PLEKHA7: variants seen among roughly 807,000 people sequenced by gnomAD.
PLEKHA7 encodes pleckstrin homology domain-containing family A member 7.
PLEKHA7 carries 104 observed loss-of-function variants against 170.0 expected under a neutral mutation model. That is an observed-to-expected ratio of 0.61 (90% CI 0.52 to 0.72). The LOEUF (loss-of-function observed/expected upper bound fraction) is 0.72. Ranked by LOEUF, PLEKHA7 falls within the 30% of genes least tolerant of loss-of-function variation. PLEKHA7 has a pLI of 0.00. For missense variants in PLEKHA7, 1,615 were observed against 1,671.7 expected (o/e 0.97, Z 0.59); for synonymous variants, 648 against 660.8 (o/e 0.98, Z 0.30).
chr11:17,002,752 G>A (rs1275651878), intron 3 of PLEKHA7, among the ~76,000 whole-genome samples: 1 of 152,148 alleles, frequency 6.6e-6, no homozygotes, highest in East Asian at 1.9e-4. Context: ...CCAGGTGGCT[G>A]CACAGATTAA....
At chr11:16,897,599 G>A (rs1216161914) in intron 3 of PLEKHA7, among the ~76,000 whole-genome samples, 1 of 152,194 alleles carries the variant, frequency 6.6e-6, no homozygotes, top group African/African-American at 2.4e-5. Context: ...CAGAGAAGGT[G>A]TATTAGGCAG....
intron 3 of PLEKHA7, among the ~76,000 whole-genome samples, chr11:16,969,832 A>C (rs896469582): frequency 2.0e-5 from 3 of 152,360 alleles, no homozygotes; most frequent in Middle Eastern, 6.8e-3. Flanking sequence ...GTTCCCAGAT[A>C]CTGGTGCCAA....
chr11:16,795,369 C>A (rs991862664), intron 17 of PLEKHA7: 2 of 254,110 alleles, frequency 7.9e-6, no homozygotes, highest in Non-Finnish European at 7.7e-6. Flanking sequence ...TTGCTGGGGG[C>A]GGGGGAGAGG....
intron 17 of PLEKHA7, among the ~76,000 whole-genome samples, chr11:16,797,330 C>G (rs948952513): frequency 6.6e-6 from 1 of 152,142 alleles, no homozygotes; most frequent in Non-Finnish European, 1.5e-5. Flanking sequence ...GCTTCCCACC[C>G]CATCTCCTCT....
chr11:16,942,999 CT>C (rs1860793433), intron 3 of PLEKHA7, among the ~76,000 whole-genome samples: 1 of 152,224 alleles, frequency 6.6e-6, no homozygotes, highest in African/African-American at 2.4e-5. Context: ...TAGATGTCCA[CT>C]TCAAATGTAA....
intron 9 of PLEKHA7, among the ~76,000 whole-genome samples, chr11:16,834,479 A>T (rs1465576842): frequency 6.6e-6 from 1 of 152,174 alleles, no homozygotes; most frequent in Non-Finnish European, 1.5e-5. Flanking sequence ...AAGACTTACT[A>T]AGGAAATTGG....
chr11:16,855,678 G>T, intron 5 of PLEKHA7, 125 bp downstream of exon 5: 1 of 734,882 alleles, frequency 1.4e-6, no homozygotes, highest in African/African-American at 1.8e-5. Flanking sequence ...CTGTCATTTG[G>T]GGAGAACACT....
At chr11:16,906,264 AAGGAAGG>A (rs1857669200) in intron 3 of PLEKHA7, among the ~76,000 whole-genome samples, 2 of 118,914 alleles carry the variant, frequency 1.7e-5, no homozygotes, top group African/African-American at 3.2e-5. Context: ...GGAAGGAAGG[AAGGAAGG>A]AAGGAAGGAA....
rs529207730 is a variant in PLEKHA7, at chr11:16,899,392, G to A, written c.222-28210C>T. Among the ~76,000 whole-genome samples the A allele has an allele frequency of 2.6e-5, 4 of 152,302 alleles. No homozygotes were observed. In the South Asian group the frequency reaches 6.2e-4, roughly 24 times the overall value. On this transcript the variant is annotated intron_variant, in intron 3 of 26. Transcript: ENST00000531066. ...CATGCTTGTAATCCCAGCTACTAGG[G>A]AGGCTGAGGAAGGAGAATCGCTTGA...
intron 3 of PLEKHA7, among the ~76,000 whole-genome samples, chr11:16,882,872 ATACACACACACACACAGAGTT>A (rs1291064549): frequency 2.2e-5 from 1 of 45,996 alleles, no homozygotes; most frequent in East Asian, 3.5e-4. Flanking sequence ...ACACACACAC[ATACACACACACACACAGAGTT>A]CAGAGTGGGT....
Position 16,783,700 on chromosome 11 carries a change from C to T in PLEKHA7, c.3650G>A (p.Ser1217Asn). ...EKIRNILARS[S>N]MCNLQPTSGQ... ...AACACTTGAGCAAGCGAGGGCTGAC[C>T]TTGACCGGGCGAGGATGTTGCGGAT... is the stretch of plus-strand genomic sequence containing the variant. Residue 1217 changes from serine to asparagine, a missense_variant and splice_region_variant, in exon 25 of 27, where the codon AGC (serine) becomes AAC (asparagine). Coordinates refer to ENST00000531066, the MANE Select transcript of PLEKHA7 (RefSeq NM_001329630.2). The T allele has an allele frequency of 6.9e-7, 1 of 1,446,458 alleles. No homozygotes were observed. Among genetic ancestry groups the T allele is most frequent in the Non-Finnish European group, 9.1e-7 (1 of 1,101,028 alleles). The allele number at this position is 1,446,458 out of a possible 1,614,324, so 89.6% of individuals were successfully genotyped here. A position where few individuals can be genotyped will look rare whatever the true frequency, so the allele number is the denominator to read the frequency against.
chr11:16,807,972 T>C (rs1849105973), intron 13 of PLEKHA7, among the ~76,000 whole-genome samples: 1 of 152,154 alleles, frequency 6.6e-6, no homozygotes, highest in African/African-American at 2.4e-5. Context: ...CTCTCAAACT[T>C]TAGCATGCAT....
intron 9 of PLEKHA7, among the ~76,000 whole-genome samples, chr11:16,829,012 C>CT (rs775847219): frequency 2.0e-4 from 30 of 149,946 alleles, no homozygotes; most frequent in Middle Eastern, 3.5e-3. Context: ...TAAATTCCTT[C>CT]TTTTTTTTTT....
At chr11:16,916,523 G>A (rs1020005690) in intron 3 of PLEKHA7, among the ~76,000 whole-genome samples, 6 of 152,266 alleles carry the variant, frequency 3.9e-5, no homozygotes, top group African/African-American at 1.2e-4. Flanking sequence ...CCTACCTCAG[G>A]CAATTGTTTT....
intron 6 of PLEKHA7, among the ~76,000 whole-genome samples, chr11:16,853,362 C>T (rs921066450): frequency 6.6e-6 from 1 of 152,228 alleles, no homozygotes; most frequent in African/African-American, 2.4e-5. Flanking sequence ...ATGATTTCAA[C>T]TATTTATCTG....
rs867933708 is a variant in PLEKHA7 at position 17,014,350 on chromosome 11, C to T, written c.52G>A (p.Gly18Arg). ...AAGACGCGGCCATCCCGGCACACCC[C>T]GTAGGACCAATGCTCAGGTAAAGTG... ...RDTLPEHWSY[G>R]VCRDGRVFFI... is the part of the protein sequence containing the mutation. The change falls in exon 1 of 27, where the codon GGG becomes AGG. Residue 18 changes from glycine to arginine, a missense_variant. By Grantham distance (125) the Gly-to-Arg change is moderately radical (BLOSUM62 -2). Coordinates refer to ENST00000531066, the MANE Select transcript of PLEKHA7 (RefSeq NM_001329630.2). 1 of 1,446,100 alleles carries T rather than the reference C, an allele frequency of 6.9e-7. No individual in the cohort carries two copies. Among genetic ancestry groups the T allele is most frequent in the Non-Finnish European group, 9.1e-7 (1 of 1,094,214 alleles). 89.6% of individuals were successfully genotyped at this position (1,446,100 alleles called of 1,614,324 possible).
At chr11:17,004,599 G>A (rs1030313905) in intron 3 of PLEKHA7, among the ~76,000 whole-genome samples, 9 of 151,830 alleles carry the variant, frequency 5.9e-5, no homozygotes, top group African/African-American at 2.2e-4. Flanking sequence ...CACCACATTG[G>A]CCAAGCTTGT....
intron 3 of PLEKHA7, among the ~76,000 whole-genome samples, chr11:16,981,451 T>A (rs1475514440): frequency 3.9e-5 from 6 of 152,098 alleles, no homozygotes; most frequent in African/African-American, 9.7e-5. Flanking sequence ...AGAGAAGAGC[T>A]TCCTGGAACA....
At chr11:16,925,898 G>A (rs1309843806) in intron 3 of PLEKHA7, among the ~76,000 whole-genome samples, 1 of 152,258 alleles carries the variant, frequency 6.6e-6, no homozygotes, top group Non-Finnish European at 1.5e-5. Context: ...AAGTGGGAGG[G>A]GTAGAGAGGC....
Sources: gnomAD v4.1 joint callset for allele counts (sites outside exome capture counted in the v4.1 genomes callset) on GRCh38, gnomAD v4.1.1 for gene constraint, MANE v1.5 for transcripts, NCBI Gene and HGNC (gene_info 2026-07-23, HGNC 2026-07-21) for gene names.